ADARB1: variants seen among roughly 807,000 people sequenced by gnomAD.
ADARB1 encodes the protein adenosine deaminase RNA specific B1.
A neutral mutation model predicts 52.4 loss-of-function variants in ADARB1; 10 were observed. The ratio of observed to expected loss-of-function variants is 0.19; its 90% CI spans 0.12 to 0.32. The LOEUF (loss-of-function observed/expected upper bound fraction) is 0.32. ADARB1 is among the 10% of genes least tolerant of loss of function. ADARB1 has a pLI of 1.00. For synonymous variants in ADARB1, 349 were observed against 371.1 expected (o/e 0.94, Z 0.68); for missense variants, 643 against 922.3 (o/e 0.70, Z 3.92).
At chr21:45,095,500 C>T (rs112709678) in intron 1 of ADARB1, among the ~76,000 whole-genome samples, 195 of 152,290 alleles carry the variant, frequency 1.3e-3, no homozygotes, top group African/African-American at 4.5e-3. Context: ...CTCACATTGT[C>T]GTCCACGTTT....
intron 1 of ADARB1, among the ~76,000 whole-genome samples, chr21:45,109,150 C>CGCGTGTGCGTATATGTGTGTGCGT (rs2087394472): frequency 6.6e-6 from 1 of 151,274 alleles, no homozygotes; most frequent in Non-Finnish European, 1.5e-5. Context: ...TGTGTGTGCG[C>CGCGTGTGCGTATATGTGTGTGCGT]GCGTGTGCGT....
intron 1 of ADARB1, among the ~76,000 whole-genome samples, chr21:45,101,462 A>G (rs1001295355): frequency 2.0e-5 from 3 of 152,244 alleles, no homozygotes; most frequent in Non-Finnish European, 4.4e-5. Context: ...AAGTGCGTGC[A>G]CAGAGTTTTT....
chr21:45,117,344 A>C (rs951882725), intron 1 of ADARB1, among the ~76,000 whole-genome samples: 1 of 152,184 alleles, frequency 6.6e-6, no homozygotes, highest in Non-Finnish European at 1.5e-5. Flanking sequence ...GTGTGTGTAC[A>C]TAGGAAAAAT....
At chr21:45,166,212 A>T (rs927450456) in intron 2 of ADARB1, among the ~76,000 whole-genome samples, 7 of 152,222 alleles carry the variant, frequency 4.6e-5, no homozygotes, top group Admixed American at 1.3e-4. Context: ...TATATTGTTT[A>T]TACTTGTGGT....
chr21:45,202,857 C>A (rs1273989475), intron 8 of ADARB1, among the ~76,000 whole-genome samples: 3 of 150,964 alleles, frequency 2.0e-5, no homozygotes, highest in Admixed American at 6.6e-5. Context: ...TCTTCCCCTG[C>A]AGCCTGTGCC....
At chr21:45,180,138 G>A (rs759489876) in intron 4 of ADARB1, among the ~76,000 whole-genome samples, 192 bp from the exon 5 acceptor site, 3 of 152,250 alleles carry the variant, frequency 2.0e-5, no homozygotes, top group Non-Finnish European at 4.4e-5. Context: ...CAGGATCCTG[G>A]GGTGTCTATT....
At chr21:45,126,430 CAA>C (rs139442371) in intron 1 of ADARB1, among the ~76,000 whole-genome samples, 150 of 152,306 alleles carry the variant, frequency 9.8e-4, no homozygotes, top group African/African-American at 3.3e-3. Context: ...CCCTCCATGA[CAA>C]AAAGACTCCG....
intron 8 of ADARB1, among the ~76,000 whole-genome samples, chr21:45,201,843 T>C (rs1278876222): frequency 6.6e-6 from 1 of 150,936 alleles, no homozygotes; most frequent in Non-Finnish European, 1.5e-5. Context: ...AAGGCTTGAG[T>C]GGCTGGGAAG....
chr21:45,217,420 C>T (rs966511963), intron 9 of ADARB1, among the ~76,000 whole-genome samples: 7 of 152,044 alleles, frequency 4.6e-5, no homozygotes, highest in Admixed American at 1.3e-4. Context: ...ATTCTTACCA[C>T]GATCTCCCTT....
chr21:45,155,725 A>ACACCCCC (rs2090525530), intron 2 of ADARB1, among the ~76,000 whole-genome samples: 1 of 90,838 alleles, frequency 1.1e-5, no homozygotes, highest in Non-Finnish European at 2.2e-5. Flanking sequence ...TCATCCATCC[A>ACACCCCC]CCCACCCACC....
At position 45,192,716 on chromosome 21, in the gene ADARB1, A is replaced by G. The variant is rs183451028; in HGVS notation, c.1565+7625A>G. Among the ~76,000 whole-genome samples the G allele has an allele frequency of 5.4e-3, 820 of 152,304 alleles. 3 individuals carry two copies. Among genetic ancestry groups the G allele is most frequent in the Admixed American group, 0.01 (159 of 15,294 alleles). On this transcript the variant is annotated intron_variant, in intron 8 of 10. Coordinates refer to ENST00000348831, the MANE Select transcript of ADARB1 (RefSeq NM_001112.4). ...AGAGTTCACCTGGAAAATGGAAGAG[A>G]GAAGACAAAATTACCAATATCGGAA...
At chr21:45,125,442 C>G (rs1050824796) in intron 1 of ADARB1, among the ~76,000 whole-genome samples, 9 of 152,206 alleles carry the variant, frequency 5.9e-5, no homozygotes, top group African/African-American at 2.2e-4. Context: ...TGCATGTAGC[C>G]CCTGTGATCT....
intron 1 of ADARB1, among the ~76,000 whole-genome samples, chr21:45,087,730 G>T (rs1265280098): frequency 6.6e-6 from 1 of 152,222 alleles, no homozygotes; most frequent in Non-Finnish European, 1.5e-5. Flanking sequence ...CAGCCAGGAT[G>T]TGGGGGACCC....
At chr21:45,153,980 C>G (rs1265048442) in intron 2 of ADARB1, among the ~76,000 whole-genome samples, 2 of 152,134 alleles carry the variant, frequency 1.3e-5, no homozygotes, top group Non-Finnish European at 2.9e-5. Flanking sequence ...TACCAAATAC[C>G]CTCAATTTAG....
At chr21:45,153,921 G>A (rs1312219028) in intron 2 of ADARB1, among the ~76,000 whole-genome samples, 1 of 152,188 alleles carries the variant, frequency 6.6e-6, no homozygotes, top group Admixed American at 6.5e-5. Context: ...CACTAAGACA[G>A]GCAATAGGGA....
Position 45,207,760 on chromosome 21 carries a change from C to T in ADARB1, c.1747+3024C>T, listed in dbSNP as rs775801608. On this transcript the variant is annotated intron_variant, in intron 9 of 10. Coordinates refer to ENST00000348831, the MANE Select transcript of ADARB1 (RefSeq NM_001112.4). ...TCATTCCCGTGTTAAAAAGAGAGCG[C>T]GGTATGACAGCGCCTAGTGAATTGT... Among the ~76,000 whole-genome samples, 9 of 152,106 alleles carry T rather than the reference C, an allele frequency of 5.9e-5. 1 individual carries two copies. In the South Asian group the frequency reaches 8.3e-4, roughly 14 times the overall value.
intron 8 of ADARB1, among the ~76,000 whole-genome samples, chr21:45,196,108 T>C (rs543424973): frequency 6.6e-6 from 1 of 152,306 alleles, no homozygotes; most frequent in African/African-American, 2.4e-5. Flanking sequence ...TGTACATACT[T>C]TGTCAAATTT....
intron 2 of ADARB1, among the ~76,000 whole-genome samples, chr21:45,150,495 C>T (rs1424976361): frequency 6.6e-6 from 1 of 152,072 alleles, no homozygotes; most frequent in Non-Finnish European, 1.5e-5. Flanking sequence ...AAATTTAATA[C>T]TTTGAAAATT....
In ADARB1 at chr21:45,142,598, G is replaced by A. The variant is rs1415752536; in HGVS notation, c.-48+14025G>A. On this transcript the variant is annotated intron_variant, in intron 2 of 10. Transcript: ENST00000348831. The surrounding 1 kb of genome is among the most constrained non-coding windows in gnomAD (Gnocchi z 4.0). The stretch of plus-strand genomic sequence containing the variant: ...GGTTGGAGAGCTCTGGATTTGGAGT[G>A]GATCCTAGCACATGGCCACCATGTG... 6.6e-6 allele frequency among the ~76,000 whole-genome samples: 1 copy of A among 152,182 alleles called. No individual in the cohort carries two copies. The highest frequency in any genetic ancestry group is 6.5e-5 in the Admixed American group (1 of 15,284).
Sources: allele counts gnomAD v4.1 joint callset (sites outside exome capture counted in the v4.1 genomes callset), GRCh38; gene constraint gnomAD v4.1.1; non-coding constraint Gnocchi (gnomAD v3.1); transcripts MANE v1.5; gene names NCBI Gene and HGNC (gene_info 2026-07-23, HGNC 2026-07-21).